GAS2: variants seen among roughly 807,000 people sequenced by gnomAD.
GAS2 encodes the protein growth arrest-specific protein 2.
Under a neutral mutation model 37.5 loss-of-function variants are expected in GAS2, and 20 were observed. The ratio of observed to expected loss-of-function variants is 0.53; its 90% CI spans 0.37 to 0.77. The LOEUF (loss-of-function observed/expected upper bound fraction) is 0.77, where lower values mean the gene tolerates loss of function less well. GAS2 is among the 30% of genes least tolerant of loss of function. The probability of loss-of-function intolerance (pLI) is 0.00; values close to 1 mark genes in which losing one functional copy is unlikely to be tolerated. For missense variants in GAS2, 336 were observed against 373.4 expected, an observed-to-expected ratio of 0.90 and a Z score of 0.82; for synonymous variants, 144 against 132.2, an observed-to-expected ratio of 1.09 and a Z score of -0.61.
intron 7 of GAS2, among the ~76,000 whole-genome samples, chr11:22,759,871 G>T (rs1384280219): frequency 1.3e-5 from 2 of 152,188 alleles, no homozygotes; most frequent in African/African-American, 2.4e-5. Flanking sequence ...CAAGTATCAA[G>T]AAGTCACTTG....
chr11:22,685,438 A>G (rs1849893606), intron 2 of GAS2, among the ~76,000 whole-genome samples: 1 of 152,192 alleles, frequency 6.6e-6, no homozygotes, highest in African/African-American at 2.4e-5. Flanking sequence ...ATTTGAAATA[A>G]AACTGTTATG....
At chr11:22,704,322 T>C (rs999055178) in intron 3 of GAS2, among the ~76,000 whole-genome samples, 2 of 151,898 alleles carry the variant, frequency 1.3e-5, no homozygotes, top group Admixed American at 6.6e-5. Flanking sequence ...ATACAGTTAT[T>C]TCAATATTAA....
chr11:22,679,412 T>C (rs1347756936), intron 2 of GAS2, among the ~76,000 whole-genome samples: 1 of 152,084 alleles, frequency 6.6e-6, no homozygotes, highest in African/African-American at 2.4e-5. Context: ...TATTAGAACA[T>C]GAAATGCATA....
intron 7 of GAS2, among the ~76,000 whole-genome samples, chr11:22,763,465 T>G (rs545807586): frequency 1.3e-4 from 20 of 152,290 alleles, no homozygotes; most frequent in Non-Finnish European, 1.6e-4. Flanking sequence ...TTTTTCCTAG[T>G]GATGAAAAAT....
chr11:22,698,037 A>T (rs1415594647), intron 3 of GAS2, among the ~76,000 whole-genome samples: 3 of 152,154 alleles, frequency 2.0e-5, no homozygotes, highest in Admixed American at 6.6e-5. Flanking sequence ...TTCAAAGGGA[A>T]TGCTTCCAGT....
intron 3 of GAS2, among the ~76,000 whole-genome samples, chr11:22,701,289 A>C (rs1053719128): frequency 6.6e-6 from 1 of 152,154 alleles, no homozygotes; most frequent in Non-Finnish European, 1.5e-5. Flanking sequence ...ATTTTATAAT[A>C]ATTGAGTCCT....
intron 7 of GAS2, among the ~76,000 whole-genome samples, chr11:22,789,303 TACAC>T (rs201918939): frequency 0.041 from 4,574 of 110,634 alleles, 275 homozygotes; most frequent in African/African-American, 0.14. Context: ...TATATATATA[TACAC>T]ACACACACAC....
chr11:22,767,214 A>T (rs2134405571), intron 7 of GAS2, among the ~76,000 whole-genome samples: 1 of 152,282 alleles, frequency 6.6e-6, no homozygotes, highest in South Asian at 2.1e-4. Flanking sequence ...TCGATGAAGA[A>T]ACTGCAGCTA....
At chr11:22,756,388 A>G (rs1854043381) in intron 7 of GAS2, among the ~76,000 whole-genome samples, 1 of 152,188 alleles carries the variant, frequency 6.6e-6, no homozygotes, top group East Asian at 1.9e-4. Flanking sequence ...TTTATGGTTT[A>G]GTCATTTCTA....
chr11:22,692,954 C>T (rs892685636), intron 3 of GAS2, among the ~76,000 whole-genome samples: 1 of 152,120 alleles, frequency 6.6e-6, no homozygotes, highest in African/African-American at 2.4e-5. Context: ...CTACCTGACC[C>T]CTACTACTAG....
At chr11:22,645,034 A>G (rs1040764873) in intron 1 of GAS2, among the ~76,000 whole-genome samples, 3 of 152,202 alleles carry the variant, frequency 2.0e-5, no homozygotes, top group Non-Finnish European at 2.9e-5. Flanking sequence ...GAAGTACACA[A>G]CGGAGCAATA....
intron 2 of GAS2, among the ~76,000 whole-genome samples, chr11:22,682,759 T>G (rs1849743170): frequency 6.7e-6 from 1 of 149,762 alleles, no homozygotes; most frequent in African/African-American, 2.5e-5. Flanking sequence ...ATGCCTGTAG[T>G]CCCAGCTACT....
intron 3 of GAS2, among the ~76,000 whole-genome samples, chr11:22,715,233 A>T (rs1590695952): frequency 6.6e-6 from 1 of 152,058 alleles, no homozygotes; most frequent in Non-Finnish European, 1.5e-5. Flanking sequence ...AGGCCAAGGC[A>T]GGCGGATCAC....
chr11:22,696,265 C>T (rs375796525), intron 3 of GAS2, among the ~76,000 whole-genome samples: 13 of 151,790 alleles, frequency 8.6e-5, no homozygotes, highest in Non-Finnish European at 1.5e-4. Flanking sequence ...CTACAAAGGA[C>T]ATGAACTCAT....
intron 3 of GAS2, among the ~76,000 whole-genome samples, chr11:22,710,224 A>G (rs2134076354): frequency 6.6e-6 from 1 of 152,264 alleles, no homozygotes; most frequent in East Asian, 1.9e-4. Flanking sequence ...TTTTCCCCTA[A>G]AATTGTTTAG....
chr11:22,685,357 G>A (rs612567), intron 2 of GAS2, among the ~76,000 whole-genome samples: 55,960 of 152,018 alleles, frequency 0.37, 11,305 homozygotes, highest in African/African-American at 0.55. Context: ...AGTTTTGTTG[G>A]TTAGTTTTCA....
chr11:22,636,445 A>G (rs1387277149), intron 1 of GAS2, among the ~76,000 whole-genome samples: 1 of 152,158 alleles, frequency 6.6e-6, no homozygotes, highest in Non-Finnish European at 1.5e-5. Context: ...GAATTCTACC[A>G]CTTACCCTCC....
upstream of GAS2, among the ~76,000 whole-genome samples, chr11:22,663,789 G>T (rs1005299742): frequency 6.6e-6 from 1 of 152,026 alleles, no homozygotes; most frequent in African/African-American, 2.4e-5. Flanking sequence ...GTTTTTATTC[G>T]TAACACTATT....
intron 5 of GAS2, among the ~76,000 whole-genome samples, chr11:22,740,439 G>A (rs956811785): frequency 2.0e-5 from 3 of 151,976 alleles, no homozygotes; most frequent in African/African-American, 4.8e-5. Context: ...CAACTTGGAT[G>A]GTGTGAACTA....
Sources: allele counts gnomAD v4.1 joint callset (sites outside exome capture counted in the v4.1 genomes callset), GRCh38; gene constraint gnomAD v4.1.1; transcripts MANE v1.5; gene names NCBI Gene and HGNC (gene_info 2026-07-23, HGNC 2026-07-21).